Variants in ZNF532 observed in about 807,000 individuals in gnomAD.
ZNF532 encodes the protein zinc finger protein 532.
Under a neutral mutation model 89.3 loss-of-function variants are expected in ZNF532, and 22 were observed. That is an observed-to-expected ratio of 0.25 (90% confidence interval 0.18 to 0.35). The LOEUF (loss-of-function observed/expected upper bound fraction) is 0.35, where lower values mean the gene tolerates loss of function less well. Among genes scored for constraint, ZNF532 ranks in the 10% least tolerant of loss-of-function variants. The pLI is 1.00. For missense variants in ZNF532, 1,132 were observed against 1,643.4 expected, an observed-to-expected ratio of 0.69 and a Z score of 5.38; for synonymous variants, 606 against 649.6, an observed-to-expected ratio of 0.93 and a Z score of 1.02.
intron 4 of ZNF532, 98 bp downstream of exon 4, chr18:58,934,712 G>T (rs2062230318): frequency 2.6e-6 from 3 of 1,174,486 alleles, no homozygotes; most frequent in South Asian, 2.9e-5. Flanking sequence ...GGGTCATACG[G>T]TGATACCTCG....
At chr18:58,977,842 A>G (rs2067233300) in intron 7 of ZNF532, among the ~76,000 whole-genome samples, 1 of 152,158 alleles carries the variant, frequency 6.6e-6, no homozygotes. Flanking sequence ...AATGAGACTC[A>G]GTCCCAAAAA....
At chr18:58,894,710 C>G (rs1165517842) in intron 2 of ZNF532, among the ~76,000 whole-genome samples, 1 of 152,136 alleles carries the variant, frequency 6.6e-6, no homozygotes, top group Non-Finnish European at 1.5e-5. Flanking sequence ...AGACTTGAAG[C>G]CATCCTCGAT....
intron 4 of ZNF532, 111 bp downstream of exon 4, chr18:58,934,725 T>G: frequency 5.8e-6 from 6 of 1,043,394 alleles, no homozygotes; most frequent in Non-Finnish European, 8.3e-6. Flanking sequence ...ATACCTCGAT[T>G]AACAGATCCT....
In ZNF532 at chr18:58,919,169, G is replaced by A. The variant is rs368496274; in HGVS notation, c.882G>A (p.Ser294=). The A allele has an allele frequency of 2.0e-5, 33 of 1,614,040 alleles. No homozygotes were observed. In the Admixed American group the frequency reaches 2.2e-4, roughly 11 times the overall value. The change falls in exon 3 of 10, where the codon TCG becomes TCA. Residue 294 remains serine, a synonymous_variant. Coordinates refer to ENST00000591808, the MANE Select transcript of ZNF532 (RefSeq NM_001375912.1). The surrounding 1 kb of genome is among the most constrained non-coding windows in gnomAD (Gnocchi z 6.1). ...CCTGCAAAGAACCAGTGGCCAATTC[G>A]AGGGAATCCTCCCCGTTACCAAAAG... ...SDSCKEPVAN[S]RESSPLPKEV...
chr18:58,878,604 A>G (rs1049584204), intron 2 of ZNF532, among the ~76,000 whole-genome samples: 9 of 152,232 alleles, frequency 5.9e-5, no homozygotes, highest in African/African-American at 1.9e-4. Flanking sequence ...TGGAGTGGTG[A>G]CTAAGGGCCC....
intron 2 of ZNF532, among the ~76,000 whole-genome samples, chr18:58,878,330 G>C (rs1377659912): frequency 1.3e-5 from 2 of 152,194 alleles, no homozygotes; most frequent in Non-Finnish European, 2.9e-5. Context: ...GGCCAAAGAT[G>C]ATGGGCACAA....
intron 7 of ZNF532, among the ~76,000 whole-genome samples, chr18:58,975,553 G>A (rs1031435848): frequency 2.6e-5 from 4 of 152,216 alleles, no homozygotes; most frequent in African/African-American, 7.2e-5. Flanking sequence ...GGCCTGCCAA[G>A]GCCGTACCAT....
chr18:58,960,685 T>A (rs1049417274), intron 7 of ZNF532, among the ~76,000 whole-genome samples: 2 of 152,178 alleles, frequency 1.3e-5, no homozygotes, highest in Non-Finnish European at 1.5e-5. Context: ...GTTGACAGAT[T>A]CTGTCTGTTT....
intron 7 of ZNF532, among the ~76,000 whole-genome samples, chr18:58,961,855 A>G (rs2065380419): frequency 6.6e-6 from 1 of 152,196 alleles, no homozygotes; most frequent in Admixed American, 6.5e-5. Context: ...TGCATGAGTG[A>G]AATGTCTGCC....
At chr18:58,907,467 G>T (rs1292526650) in intron 2 of ZNF532, among the ~76,000 whole-genome samples, 1 of 151,940 alleles carries the variant, frequency 6.6e-6, no homozygotes, top group Non-Finnish European at 1.5e-5. Flanking sequence ...GGGATTAGAG[G>T]TGTGAGCCAC....
intron 6 of ZNF532, among the ~76,000 whole-genome samples, chr18:58,952,224 G>A (rs962447672): frequency 1.3e-5 from 2 of 152,290 alleles, no homozygotes; most frequent in Admixed American, 6.5e-5. Flanking sequence ...AGGGGAACTC[G>A]GATGTGTGAA....
intron 5 of ZNF532, among the ~76,000 whole-genome samples, chr18:58,940,958 A>ACACACACACACACACT (rs1209329621): frequency 1.7e-4 from 22 of 131,798 alleles, no homozygotes; most frequent in African/African-American, 4.7e-4. Flanking sequence ...ACACACACAC[A>ACACACACACACACACT]CTCTTTCTCT....
At chr18:58,906,883 T>C (rs1480868119) in intron 2 of ZNF532, among the ~76,000 whole-genome samples, 1 of 152,250 alleles carries the variant, frequency 6.6e-6, no homozygotes, top group Non-Finnish European at 1.5e-5. Flanking sequence ...GATTTGTCTT[T>C]TATTACAGCA....
At chr18:58,874,186 TCTC>T (rs2057236756) in intron 2 of ZNF532, among the ~76,000 whole-genome samples, 1 of 152,274 alleles carries the variant, frequency 6.6e-6, no homozygotes, top group South Asian at 2.1e-4. Flanking sequence ...AGACTGTGTG[TCTC>T]CTCCTTGTCG....
chr18:58,907,501 GT>G (rs540706105), intron 2 of ZNF532, among the ~76,000 whole-genome samples: 13 of 147,042 alleles, frequency 8.8e-5, no homozygotes, highest in Admixed American at 4.1e-4. Context: ...GAAGTTTTTT[GT>G]TTTTTTTTTG....
chr18:58,888,719 A>AAAT (rs1555708896), intron 2 of ZNF532, among the ~76,000 whole-genome samples: 3 of 42,118 alleles, frequency 7.1e-5, no homozygotes, highest in African/African-American at 3.6e-4. Context: ...ATATATATAT[A>AAAT]TATATAAATT....
At chr18:58,874,711 G>A (rs8083100) in intron 2 of ZNF532, among the ~76,000 whole-genome samples, 31,382 of 152,144 alleles carry the variant, frequency 0.21, 5,619 homozygotes, top group East Asian at 0.56. Flanking sequence ...CTGAGTGGCT[G>A]TACTTTAGGT....
intron 7 of ZNF532, among the ~76,000 whole-genome samples, chr18:58,974,113 CAAT>C (rs2066775455): frequency 6.6e-6 from 1 of 152,082 alleles, no homozygotes; most frequent in South Asian, 2.1e-4. Flanking sequence ...AACTATATCT[CAAT>C]AAGCTCAGTT....
rs543240185 is a variant in ZNF532 at position 58,890,215 on chromosome 18, C to T, written c.-18+24636C>T. On this transcript the variant is annotated intron_variant, in intron 2 of 9. Coordinates refer to ENST00000591808, the MANE Select transcript of ZNF532 (RefSeq NM_001375912.1). ...TGAGCCGAGATTTTGACACTGCACT[C>T]CAGCCTGGGGAGGAAAAATATATAT... Among the ~76,000 whole-genome samples the T allele has an allele frequency of 2.0e-5, 3 of 152,006 alleles. No homozygotes were observed. In the East Asian group the frequency reaches 5.8e-4, roughly 29 times the overall value.
Sources: allele counts gnomAD v4.1 joint callset (sites outside exome capture counted in the v4.1 genomes callset), GRCh38; gene constraint gnomAD v4.1.1; non-coding constraint Gnocchi (gnomAD v3.1); transcripts MANE v1.5; gene names NCBI Gene and HGNC (gene_info 2026-07-23, HGNC 2026-07-21).